RPTOR: variants seen among roughly 807,000 people sequenced by gnomAD.
RPTOR encodes the protein regulatory-associated protein of mTOR.
RPTOR carries 21 observed loss-of-function variants against 169.9 expected under a neutral mutation model. The observed-to-expected ratio is 0.12, with a 90% CI of 0.09 to 0.18. The LOEUF is 0.18. Among genes scored for constraint, RPTOR ranks in the 10% least tolerant of loss-of-function variants. RPTOR has a pLI of 1.00. For synonymous variants in RPTOR, 732 were observed against 753.2 expected (o/e 0.97, Z 0.46); for missense variants, 1,133 against 1,855.9 (o/e 0.61, Z 7.16).
chr17:80,883,471 A>G lies in RPTOR; in HGVS notation c.1637A>G (p.Tyr546Cys). ...ATTCTCGCCGTGATCGTCAACAGCT[A>G]TCACACGGGGCAGGTGAGCCCCCCA... ...AFILAVIVNS[Y>C]HTGQEACLQG... Residue 546 changes from tyrosine to cysteine, a missense_variant, in exon 15 of 34, where the codon TAT (tyrosine) becomes TGT (cysteine). Tyr to Cys is a radical substitution (Grantham distance 194). This residue lies in a region of RPTOR where 289 missense variants were observed against 585.8 expected (regional missense o/e 0.49). Coordinates refer to ENST00000306801, the MANE Select transcript of RPTOR (RefSeq NM_020761.3). The G allele has an allele frequency of 1.2e-6, 2 of 1,614,110 alleles. No individual in the cohort carries two copies. The highest frequency in any genetic ancestry group is 1.7e-6 in the Non-Finnish European group (2 of 1,180,020).
intron 13 of RPTOR, among the ~76,000 whole-genome samples, chr17:80,870,713 G>A (rs930694492): frequency 5.9e-5 from 9 of 152,220 alleles, no homozygotes; most frequent in Non-Finnish European, 1.0e-4. Context: ...CTTGTGTCCC[G>A]AACTCTTGTT....
intron 2 of RPTOR, among the ~76,000 whole-genome samples, chr17:80,626,789 A>G: frequency 6.9e-6 from 1 of 145,188 alleles, no homozygotes; most frequent in East Asian, 2.0e-4. Flanking sequence ...TATTATTATT[A>G]TTATTATTAT....
chr17:80,700,673 A>G (rs1402411705), intron 3 of RPTOR, among the ~76,000 whole-genome samples: 3 of 30,852 alleles, frequency 9.7e-5, no homozygotes, highest in Admixed American at 3.8e-4. Context: ...GGTGATGGTG[A>G]TGATGGAGGT....
chr17:80,930,249 G>GCTCATCCCCAGCTCAT, intron 24 of RPTOR, among the ~76,000 whole-genome samples: 1 of 98,692 alleles, frequency 1.0e-5, no homozygotes, highest in East Asian at 3.7e-4. Flanking sequence ...CCTCAGCTCA[G>GCTCATCCCCAGCTCAT]CTCATCCCCA....
At chr17:80,906,345 G>A (rs933142208) in intron 20 of RPTOR, among the ~76,000 whole-genome samples, 9 of 144,112 alleles carry the variant, frequency 6.2e-5, no homozygotes, top group East Asian at 4.2e-4. Flanking sequence ...TTACATTTCC[G>A]AGACTTGCTT....
intron 2 of RPTOR, among the ~76,000 whole-genome samples, chr17:80,634,297 G>GTGTGCGTAC: frequency 6.7e-6 from 1 of 150,042 alleles, no homozygotes; most frequent in Non-Finnish European, 1.5e-5. Flanking sequence ...TGCGTACTGT[G>GTGTGCGTAC]TGTGTGCGTA....
rs987734871 is a variant in RPTOR at position 80,823,461 on chromosome 17, C to G, written c.1136+238C>G. 2 of 433,322 alleles carry G rather than the reference C, an allele frequency of 4.6e-6. No homozygotes were observed. Among genetic ancestry groups the G allele is most frequent in the Non-Finnish European group, 8.1e-6 (2 of 245,524 alleles). The allele number at this position is 433,322 out of a possible 1,614,324, so 26.8% of individuals were successfully genotyped here. On this transcript the variant is annotated intron_variant, in intron 9 of 33. Coordinates refer to ENST00000306801, the MANE Select transcript of RPTOR (RefSeq NM_020761.3). The surrounding 1 kb of genome is among the most constrained non-coding windows in gnomAD (Gnocchi z 4.5). ...TTTAGGACTGCACGGGAGCAGCGGC[C>G]GGCTGAAGCCTCACAGCTCTGCAAC...
At chr17:80,819,946 C>T (rs1445583731) in intron 7 of RPTOR, among the ~76,000 whole-genome samples, 2 of 152,196 alleles carry the variant, frequency 1.3e-5, no homozygotes, top group Non-Finnish European at 2.9e-5. Context: ...AGGACCTGAG[C>T]TCTGCAGTTG....
chr17:80,884,243 G>C (rs1173227807), intron 16 of RPTOR, among the ~76,000 whole-genome samples: 1 of 152,228 alleles, frequency 6.6e-6, no homozygotes, highest in Non-Finnish European at 1.5e-5. Flanking sequence ...TCACGTGCTC[G>C]CTGTCCGGGT....
chr17:80,943,107 G>A (rs568259356), intron 25 of RPTOR, among the ~76,000 whole-genome samples: 9 of 152,338 alleles, frequency 5.9e-5, no homozygotes, highest in African/African-American at 1.9e-4. Context: ...CACCCGAGGT[G>A]CCGAGCACAC....
chr17:80,824,304 A>G (rs1372679055), intron 9 of RPTOR, among the ~76,000 whole-genome samples: 1 of 152,252 alleles, frequency 6.6e-6, no homozygotes, highest in Non-Finnish European at 1.5e-5. Context: ...CCTGATAAGG[A>G]GAAAAGGAAA....
At chr17:80,804,578 A>G (rs1284949900) in intron 7 of RPTOR, 3 of 152,312 alleles carry the variant, frequency 2.0e-5, no homozygotes, top group African/African-American at 7.2e-5. Flanking sequence ...GGACAGCAGC[A>G]AGCCCCGAAG....
intron 10 of RPTOR, among the ~76,000 whole-genome samples, chr17:80,838,616 G>A (rs966082583): frequency 6.6e-6 from 1 of 152,246 alleles, no homozygotes; most frequent in Non-Finnish European, 1.5e-5. Context: ...CCAGAAACCC[G>A]TGAGGAAAGA....
At chr17:80,652,296 G>A (rs1167243948) in intron 3 of RPTOR, among the ~76,000 whole-genome samples, 2 of 152,148 alleles carry the variant, frequency 1.3e-5, no homozygotes, top group South Asian at 2.1e-4. Context: ...GAAACCCAAA[G>A]CCCATCGGCA....
intron 10 of RPTOR, among the ~76,000 whole-genome samples, chr17:80,839,782 A>G (rs1003889563): frequency 1.2e-4 from 18 of 152,320 alleles, no homozygotes; most frequent in African/African-American, 4.3e-4. Flanking sequence ...AGATCAGAAT[A>G]ATCTGCTCTT....
intron 6 of RPTOR, among the ~76,000 whole-genome samples, chr17:80,760,304 T>TTC (rs2066722694): frequency 7.3e-6 from 1 of 137,176 alleles, no homozygotes; most frequent in Non-Finnish European, 1.6e-5. Flanking sequence ...TTTTTTCTTT[T>TTC]TTCTTTTTTT....
At chr17:80,571,696 T>C (rs777797983) in intron 1 of RPTOR, among the ~76,000 whole-genome samples, 1 of 152,108 alleles carries the variant, frequency 6.6e-6, no homozygotes, top group Non-Finnish European at 1.5e-5. Context: ...AATTTTTGCA[T>C]TTTTTGTAGA....
At chr17:80,763,936 C>T (rs1442395171) in intron 6 of RPTOR, among the ~76,000 whole-genome samples, 1 of 151,940 alleles carries the variant, frequency 6.6e-6, no homozygotes, top group East Asian at 1.9e-4. Context: ...TGACATTAAT[C>T]CCAATAACTA....
In RPTOR at chr17:80,838,070, C is replaced by A. The variant is rs115978926; in HGVS notation, c.1212+73C>A. On this transcript the variant is annotated intron_variant, in intron 10 of 33. Transcript: ENST00000306801. ...CTCTGGGCACCTGGACTGCAAAGCC[C>A]CCAGACTGGGGGTGGTGCCCAGGAC... 6.2e-4 allele frequency: 813 copies of A among 1,314,986 alleles called. 5 individuals carry two copies. The African/African-American group carries it at 0.01, about 17-fold the overall frequency. The allele number at this position is 1,314,986 out of a possible 1,614,324, so 81.5% of individuals were successfully genotyped here. A position where few individuals can be genotyped will look rare whatever the true frequency, so the allele number is the denominator to read the frequency against.
Sources: gnomAD v4.1 joint callset for allele counts (sites outside exome capture counted in the v4.1 genomes callset) on GRCh38, gnomAD v4.1.1 for gene constraint, gnomAD v4.1.1 regional missense constraint, Gnocchi (gnomAD v3.1) non-coding constraint, MANE v1.5 for transcripts, NCBI Gene and HGNC (gene_info 2026-07-23, HGNC 2026-07-21) for gene names.